SLC35D4: variants seen among roughly 807,000 people sequenced by gnomAD.
SLC35D4 encodes the protein UDP-N-acetylglucosamine transporter SLC35D4.
the SLC35D4 span, among the ~76,000 whole-genome samples, chr18:23,328,132 G>A: frequency 3.3e-5 from 5 of 152,132 alleles, no homozygotes; most frequent in Admixed American, 1.3e-4. Context: ...CATTCCCTTT[G>A]AAAACTGGCA....
the SLC35D4 span, chr18:23,257,486 A>G: frequency 4.2e-6 from 5 of 1,183,620 alleles, no homozygotes; most frequent in Non-Finnish European, 5.8e-6. Flanking sequence ...TCCTCTCGAC[A>G]TAGTTTGGGG....
chr18:23,257,482 C>A, the SLC35D4 span: 4 of 1,209,762 alleles, frequency 3.3e-6, no homozygotes, highest in Non-Finnish European at 3.4e-6. Context: ...TTCTTCCTCT[C>A]GACATAGTTT....
At chr18:23,411,135 AGAAG>A in the SLC35D4 span, among the ~76,000 whole-genome samples, 229 of 146,538 alleles carry the variant, frequency 1.6e-3, 2 homozygotes, top group African/African-American at 5.4e-3. Flanking sequence ...TACAGAAGAA[AGAAG>A]GAAGGAAGGA....
At chr18:23,411,550 A>AAAGAAAGG in the SLC35D4 span, among the ~76,000 whole-genome samples, 102 of 149,774 alleles carry the variant, frequency 6.8e-4, no homozygotes, top group African/African-American at 2.4e-3. Context: ...AGAAAGAAAG[A>AAAGAAAGG]AAGGTGTGTG....
chr18:23,252,839 CCAATGCAAG>C, the SLC35D4 span: 1 of 644,282 alleles, frequency 1.6e-6, no homozygotes, highest in East Asian at 2.9e-5. Flanking sequence ...TGTTGTAGCT[CCAATGCAAG>C]TTTTCCCGTT....
chr18:23,352,472 C>T, the SLC35D4 span, among the ~76,000 whole-genome samples: 1 of 152,082 alleles, frequency 6.6e-6, no homozygotes. Context: ...TTAAGCTCTG[C>T]TTTTCTAAGG....
the SLC35D4 span, among the ~76,000 whole-genome samples, chr18:23,388,332 G>A: frequency 6.6e-6 from 1 of 152,192 alleles, no homozygotes; most frequent in African/African-American, 2.4e-5. Flanking sequence ...AGTATTTTAT[G>A]TGTATTCTCT....
the SLC35D4 span, among the ~76,000 whole-genome samples, chr18:23,371,935 G>GTTTTTTTTTTTTTT: frequency 3.2e-3 from 113 of 35,412 alleles, 19 homozygotes; most frequent in Admixed American, 3.5e-3. Context: ...TGTTTTTTTT[G>GTTTTTTTTTTTTTT]TTTTTTTTTT....
chr18:23,393,814 T>C, the SLC35D4 span, among the ~76,000 whole-genome samples: 2 of 152,114 alleles, frequency 1.3e-5, no homozygotes, highest in African/African-American at 4.8e-5. Flanking sequence ...AGGCAGGGTT[T>C]CACCACATTG....
the SLC35D4 span, among the ~76,000 whole-genome samples, chr18:23,416,932 T>C: frequency 6.6e-6 from 1 of 152,162 alleles, no homozygotes; most frequent in Non-Finnish European, 1.5e-5. Context: ...TACTAGTCAT[T>C]AGCTGCCCTT....
the SLC35D4 span, among the ~76,000 whole-genome samples, chr18:23,413,943 CA>C: frequency 7.9e-3 from 446 of 56,508 alleles, no homozygotes; most frequent in Middle Eastern, 0.059. Context: ...GGCTCCGCCT[CA>C]AAAAAAAAAA....
chr18:23,333,457 G>A, the SLC35D4 span, among the ~76,000 whole-genome samples: 8 of 152,146 alleles, frequency 5.3e-5, no homozygotes, highest in African/African-American at 7.2e-5. Flanking sequence ...AAAGAAAGAC[G>A]AAATTTAATA....
the SLC35D4 span, among the ~76,000 whole-genome samples, chr18:23,287,971 C>G: frequency 1.3e-5 from 2 of 152,210 alleles, no homozygotes; most frequent in African/African-American, 4.8e-5. Flanking sequence ...CTCAACTCAC[C>G]CTCTACAGCT....
the SLC35D4 span, among the ~76,000 whole-genome samples, chr18:23,275,988 G>T: frequency 6.6e-6 from 1 of 152,252 alleles, no homozygotes; most frequent in East Asian, 1.9e-4. Context: ...TTTCTGTTAC[G>T]GATGATGAAA....
chr18:23,274,970 C>T, the SLC35D4 span, among the ~76,000 whole-genome samples: 3 of 146,430 alleles, frequency 2.0e-5, no homozygotes, highest in South Asian at 2.2e-4. Flanking sequence ...CTTGTGTGTG[C>T]GCTTGTGTCT....
At chr18:23,355,163 A>ACAGAGT in the SLC35D4 span, among the ~76,000 whole-genome samples, 1 of 152,208 alleles carries the variant, frequency 6.6e-6, no homozygotes, top group Non-Finnish European at 1.5e-5. Context: ...GTAAAATGTA[A>ACAGAGT]CAGAGTCACA....
the SLC35D4 span, among the ~76,000 whole-genome samples, chr18:23,248,960 G>C: frequency 6.6e-6 from 1 of 152,244 alleles, no homozygotes; most frequent in South Asian, 2.1e-4. Flanking sequence ...CACCCAGGAG[G>C]CTGCAGCTGC....
the SLC35D4 span, among the ~76,000 whole-genome samples, chr18:23,432,814 T>G: frequency 6.6e-6 from 1 of 151,408 alleles, no homozygotes; most frequent in Non-Finnish European, 1.5e-5. Context: ...GACCCTATCT[T>G]GACAAAAAAT....
At chr18:23,402,401 C>T in the SLC35D4 span, among the ~76,000 whole-genome samples, 1 of 152,092 alleles carries the variant, frequency 6.6e-6, no homozygotes, top group Non-Finnish European at 1.5e-5. Flanking sequence ...ATGCAAGAAA[C>T]GGACACCAGT....
Sources: gnomAD v4.1 joint callset for allele counts (sites outside exome capture counted in the v4.1 genomes callset) on GRCh38, gnomAD v4.1.1 for gene constraint, MANE v1.5 for transcripts, NCBI Gene and HGNC (gene_info 2026-07-23, HGNC 2026-07-21) for gene names.